The following DMD variants were observed in gnomAD, a reference collection of about 807,000 sequenced individuals.
The protein encoded by DMD is dystrophin.
DMD carries 63 observed loss-of-function variants against 330.1 expected under a neutral mutation model. The ratio of observed to expected loss-of-function variants is 0.19; its 90% CI spans 0.16 to 0.24. DMD has a LOEUF of 0.24. Ranked by LOEUF, DMD falls within the 10% of genes least tolerant of loss-of-function variation. The probability of loss-of-function intolerance (pLI) is 1.00; values close to 1 mark genes in which losing one functional copy is unlikely to be tolerated. For missense variants in DMD, 3,344 were observed against 2,684.1 expected, an observed-to-expected ratio of 1.25 and a Z score of -5.43; for synonymous variants, 1,223 against 959.8, an observed-to-expected ratio of 1.27 and a Z score of -5.07.
chrX:31,793,578 A>G (rs2091679802), intron 50 of DMD, among the ~76,000 whole-genome samples: 1 of 112,247 alleles, frequency 8.9e-6, no homozygotes, highest in South Asian at 3.7e-4. Flanking sequence ...CAACATGGTC[A>G]GAACACTTAC....
At chrX:31,752,366 C>T (rs771073829) in intron 51 of DMD, among the ~76,000 whole-genome samples, 2 of 110,857 alleles carry the variant, frequency 1.8e-5, no homozygotes, top group Non-Finnish European at 3.8e-5. Context: ...TATGTGTCAT[C>T]GACAAGAGTT....
intron 2 of DMD, among the ~76,000 whole-genome samples, chrX:32,877,514 C>A (rs1239563143): frequency 8.9e-6 from 1 of 112,083 alleles, no homozygotes; most frequent in African/African-American, 3.2e-5. Context: ...ATTGGGTCCA[C>A]GTAATCTTCT....
intron 51 of DMD, among the ~76,000 whole-genome samples, chrX:31,749,433 G>T (rs910019613): frequency 9.7e-6 from 1 of 103,148 alleles, no homozygotes; most frequent in Non-Finnish European, 2.0e-5. Context: ...TGAGAATGAT[G>T]ATTTCCAATT....
chrX:32,621,143 G>A (rs1198670623), intron 11 of DMD, among the ~76,000 whole-genome samples: 2 of 111,184 alleles, frequency 1.8e-5, no homozygotes, highest in Non-Finnish European at 3.8e-5. Flanking sequence ...CTGTAAAGGG[G>A]GGCCTTTAGT....
chrX:31,698,159 G>C (rs962942276), intron 52 of DMD, among the ~76,000 whole-genome samples: 4 of 111,791 alleles, frequency 3.6e-5, no homozygotes, highest in African/African-American at 1.3e-4. Context: ...CAGAGTTCCA[G>C]GTAGAAAATG....
At chrX:31,685,748 C>T (rs1042988344) in intron 52 of DMD, among the ~76,000 whole-genome samples, 11 of 112,040 alleles carry the variant, frequency 9.8e-5, no homozygotes, top group Admixed American at 1.9e-4. Flanking sequence ...GTGCGCTGGC[C>T]AGAAGTGCTG....
intron 1 of DMD, among the ~76,000 whole-genome samples, chrX:33,219,306 T>TTGTGTGTG (rs56332488): frequency 0.096 from 7,008 of 72,808 alleles, 561 homozygotes; most frequent in Non-Finnish European, 0.15. Flanking sequence ...TTAGAGATTA[T>TTGTGTGTG]TGTGTGTGTG....
chrX:32,226,359 C>T (rs1391532945), intron 43 of DMD, among the ~76,000 whole-genome samples: 1 of 111,825 alleles, frequency 8.9e-6, no homozygotes, highest in Non-Finnish European at 1.9e-5. Flanking sequence ...GTCACTATTC[C>T]ATAAGGCTTC....
chrX:33,016,081 C>G (rs932949558), intron 2 of DMD, among the ~76,000 whole-genome samples: 2 of 110,217 alleles, frequency 1.8e-5, no homozygotes, highest in Non-Finnish European at 1.9e-5. Context: ...TGAAGGAATT[C>G]TTAACAGGAC....
At chrX:33,299,139 C>A in intron 1 of DMD, among the ~76,000 whole-genome samples, 1 of 111,667 alleles carries the variant, frequency 9.0e-6, no homozygotes, top group Admixed American at 9.5e-5. Flanking sequence ...TAAGCAAGGT[C>A]TGCAAATTTT....
chrX:32,514,493 G>A (rs1456971585), intron 18 of DMD, among the ~76,000 whole-genome samples: 2 of 112,121 alleles, frequency 1.8e-5, no homozygotes, highest in Non-Finnish European at 3.8e-5. Flanking sequence ...TGTAATCCCA[G>A]CACTTTGGGA....
intron 7 of DMD, among the ~76,000 whole-genome samples, chrX:32,736,132 A>C (rs1312672802): frequency 3.6e-5 from 4 of 112,491 alleles, no homozygotes; most frequent in African/African-American, 9.7e-5. Flanking sequence ...TCTCAAAAGA[A>C]GACATTTATG....
intron 2 of DMD, among the ~76,000 whole-genome samples, chrX:32,895,605 G>A (rs777675601): frequency 1.8e-5 from 2 of 111,476 alleles, no homozygotes; most frequent in African/African-American, 6.5e-5. Flanking sequence ...CAGCTGGTCA[G>A]ACACTCCCAT....
At chrX:31,480,554 TTGTGTG>T (rs60621342) in intron 57 of DMD, among the ~76,000 whole-genome samples, 2,794 of 91,269 alleles carry the variant, frequency 0.031, 90 homozygotes, top group African/African-American at 0.088. Context: ...ATCTCCATGT[TTGTGTG>T]TGTGTGTGTG....
At chrX:32,924,385 G>T (rs992131163) in intron 2 of DMD, among the ~76,000 whole-genome samples, 5 of 110,479 alleles carry the variant, frequency 4.5e-5, no homozygotes, top group Non-Finnish European at 9.5e-5. Flanking sequence ...AAGAAAATTA[G>T]CAGGGCGTGG....
chrX:31,694,136 G>A (rs2148827043), intron 52 of DMD, among the ~76,000 whole-genome samples: 1 of 111,313 alleles, frequency 9.0e-6, no homozygotes, highest in African/African-American at 3.3e-5. Context: ...GACAAAGGTA[G>A]CAAGAACACA....
intron 7 of DMD, among the ~76,000 whole-genome samples, chrX:32,754,546 TAAA>T (rs57307334): frequency 2.0e-5 from 2 of 102,233 alleles, no homozygotes; most frequent in African/African-American, 3.5e-5. Context: ...AATAAACCAT[TAAA>T]AAAAAAAAAT....
intron 43 of DMD, among the ~76,000 whole-genome samples, chrX:32,240,316 A>G (rs2097203315): frequency 9.0e-6 from 1 of 111,372 alleles, no homozygotes; most frequent in Non-Finnish European, 1.9e-5. Flanking sequence ...GGGCCTTTGG[A>G]AGGTAATTAG....
intron 2 of DMD, among the ~76,000 whole-genome samples, chrX:32,893,679 T>TA (rs2085434731): frequency 9.0e-6 from 1 of 111,512 alleles, no homozygotes; most frequent in African/African-American, 3.3e-5. Context: ...TTTTTTTTTT[T>TA]AGGTATTTCT....
Sources: allele counts gnomAD v4.1 joint callset (sites outside exome capture counted in the v4.1 genomes callset), GRCh38; gene constraint gnomAD v4.1.1; transcripts MANE v1.5; gene names NCBI Gene and HGNC (gene_info 2026-07-23, HGNC 2026-07-21).